The following HTRA4 variants were observed in gnomAD, a reference collection of about 807,000 sequenced individuals.
HTRA4 encodes HtrA serine peptidase 4.
In HTRA4, 46 loss-of-function variants were observed where a neutral mutation model predicts 49.1. That is an observed-to-expected ratio of 0.94 (90% confidence interval 0.74 to 1.20). The LOEUF (loss-of-function observed/expected upper bound fraction) is 1.20. HTRA4 is among the 50% of genes most tolerant of loss of function. The pLI, the probability that HTRA4 is intolerant of heterozygous loss-of-function variation, is 0.00. For missense variants in HTRA4, 602 were observed against 636.9 expected (o/e 0.95, Z 0.59); for synonymous variants, 261 against 264.0 (o/e 0.99, Z 0.11).
intron 5 of HTRA4, among the ~76,000 whole-genome samples, 155 bp downstream of exon 5, chr8:38,979,402 G>GCAAGACAC (rs1199749827): frequency 8.5e-5 from 13 of 152,094 alleles, no homozygotes; most frequent in Non-Finnish European, 1.3e-4. Flanking sequence ...GGGCAAGACA[G>GCAAGACAC]CAAGACACCA....
In HTRA4 at chr8:38,987,875, T is replaced by C. The variant is rs181400374; in HGVS notation, c.1269-61T>C. 4,797 of 1,398,432 alleles carry C rather than the reference T, an allele frequency of 3.4e-3. 11 individuals are homozygous for C. The highest frequency in any genetic ancestry group is 3.9e-3 in the Non-Finnish European group (4,084 of 1,048,134). The allele number at this position is 1,398,432 out of a possible 1,614,324, so 86.6% of individuals were successfully genotyped here. ...TAAGACAGAAATATTAAATTATAGA[T>C]GGGGATAAGTAAAATTCTTGTTATA... is the stretch of plus-strand genomic sequence containing the variant. On this transcript the variant is annotated intron_variant, in intron 8 of 8. Transcript: ENST00000302495.
Position 38,977,858 on chromosome 8 carries a change from G to A in HTRA4, c.772-95G>A, listed in dbSNP as rs532642315. ...TAAGGGCCAAGGTGATAGAGACAGC[G>A]TCATATATGTGTTAGACACACACTT... On this transcript the variant is annotated intron_variant, in intron 3 of 8. Coordinates refer to ENST00000302495, the MANE Select transcript of HTRA4 (RefSeq NM_153692.4). 3.0e-5 allele frequency: 39 copies of A among 1,286,452 alleles called. 1 individual carries two copies. Among genetic ancestry groups the A allele is most frequent in the South Asian group, 2.7e-4 (21 of 77,448 alleles). 79.7% of individuals were successfully genotyped at this position (1,286,452 alleles called of 1,614,324 possible).
rs560885121 is a variant in HTRA4 at position 38,981,843 on chromosome 8, A to G, written c.1114+76A>G. ...GGAACACTCAATCTTTTGTGGTGAC[A>G]GCAATTTTTTTGTTTTTGTTTTTGA... On this transcript the variant is annotated intron_variant, in intron 6 of 8. Transcript: ENST00000302495. 2.1e-5 allele frequency: 23 copies of G among 1,073,766 alleles called. No individual in the cohort carries two copies. In the East Asian group the frequency reaches 5.2e-4, roughly 24 times the overall value. 66.5% of individuals were successfully genotyped at this position (1,073,766 alleles called of 1,614,324 possible).
intron 5 of HTRA4, among the ~76,000 whole-genome samples, chr8:38,979,837 C>T (rs12548354): frequency 0.12 from 18,433 of 152,132 alleles, 1,345 homozygotes; most frequent in Non-Finnish European, 0.16. Flanking sequence ...GATATTAAAC[C>T]CAGGTTTATG....
chr8:38,984,663 C>T (rs1429069606), intron 8 of HTRA4, among the ~76,000 whole-genome samples: 13 of 152,042 alleles, frequency 8.6e-5, no homozygotes, highest in African/African-American at 2.9e-4. Flanking sequence ...GTCAGAGAAT[C>T]GCTTGAACCT....
intron 4 of HTRA4, 146 bp downstream of exon 4, chr8:38,978,293 T>A: frequency 1.5e-6 from 1 of 662,900 alleles, no homozygotes; most frequent in Non-Finnish European, 2.5e-6. Flanking sequence ...GTCAGATCAG[T>A]GGCGGCATTA....
rs1268136819 is a variant in HTRA4, at chr8:38,983,251, C to T, written c.1268+203C>T. Among the ~76,000 whole-genome samples the T allele has an allele frequency of 1.3e-5, 2 of 152,130 alleles. 1 individual carries two copies. The highest frequency in any genetic ancestry group is 4.1e-4 in the South Asian group (2 of 4,824). ...AGTAAGTTTAATTTAAATTAAAAAA[C>T]CCAGGCCAGGTGCAGTGGCTCATGC... On this transcript the variant is annotated intron_variant, in intron 8 of 8. Transcript: ENST00000302495.
rs527994278 is a variant in HTRA4 at position 38,976,634 on chromosome 8, C to T, written c.666C>T (p.Asn222=). The T allele has an allele frequency of 3.1e-6, 5 of 1,614,126 alleles. No homozygotes were observed. The East Asian group carries it at 8.9e-5, about 29-fold the overall frequency. ...TTACCAATGCCCATGTTGTCAGGAA[C>T]CAGCAGTGGATTGAGGTGGTGCTCC... ...LIITNAHVVR[N]QQWIEVVLQN... The change falls in exon 3 of 9, where the codon AAC becomes AAT. Residue 222 remains asparagine (N), a synonymous_variant. Transcript: ENST00000302495.
At chr8:38,976,852 C>T in intron 3 of HTRA4, 113 bp downstream of exon 3, 2 of 1,015,886 alleles carry the variant, frequency 2.0e-6, no homozygotes, top group Non-Finnish European at 2.9e-6. Context: ...TGAATATATG[C>T]TTTTCTCTGG....
At chr8:38,979,706 G>A (rs992895634) in intron 5 of HTRA4, among the ~76,000 whole-genome samples, 2 of 152,016 alleles carry the variant, frequency 1.3e-5, no homozygotes, top group African/African-American at 4.8e-5. Flanking sequence ...TAATAGAGAC[G>A]ATGTCTCACT....
Position 38,987,961 on chromosome 8 carries a change from A to G in HTRA4, c.1294A>G (p.Ile432Val), listed in dbSNP as rs199569946. 6.2e-7 allele frequency: 1 copy of G among 1,601,124 alleles called. No homozygotes were observed. Among genetic ancestry groups the G allele is most frequent in the East Asian group, 2.2e-5 (1 of 44,526 alleles). Residue 432 changes from isoleucine (I) to valine (V), a missense_variant, in exon 9 of 9, where the codon ATT becomes GTT. Coordinates refer to ENST00000302495, the MANE Select transcript of HTRA4 (RefSeq NM_153692.4). ...CTCTGGATTGAGAGATCACGATGTA[A>G]TTGTCAACATAAATGGGAAACCTAT... Reference protein sequence around the residue: ...QSSGLRDHDVIVNINGKPITT... With the variant: ...QSSGLRDHDVVVNINGKPITT...
Position 38,988,146 on chromosome 8 carries a change from T to G in HTRA4, c.*48T>G. The stretch of plus-strand genomic sequence containing the variant: ...TATCTAAAAAAAAAAAAACCAGTTA[T>G]ATCACGTGGTTTGTATTGGAGATGT... On this transcript the variant is annotated 3_prime_UTR_variant, in exon 9 of 9. Coordinates refer to ENST00000302495, the MANE Select transcript of HTRA4 (RefSeq NM_153692.4). 6.9e-7 allele frequency: 1 copy of G among 1,440,722 alleles called. No homozygotes were observed. Among genetic ancestry groups the G allele is most frequent in the South Asian group, 1.4e-5 (1 of 73,136 alleles). The allele number at this position is 1,440,722 out of a possible 1,614,324, so 89.2% of individuals were successfully genotyped here.
At chr8:38,982,313 G>A (rs1835433615) in intron 6 of HTRA4, among the ~76,000 whole-genome samples, 185 bp from the exon 7 acceptor site, 1 of 152,316 alleles carries the variant, frequency 6.6e-6, no homozygotes, top group East Asian at 1.9e-4. Context: ...CCCAGGGGCT[G>A]GAGGTGGGAG....
rs1355148413 is a variant in HTRA4 at position 38,975,027 on chromosome 8, A to T, written c.467-4A>T. On this transcript the variant is annotated splice_region_variant and splice_polypyrimidine_tract_variant and intron_variant, in intron 1 of 8. Transcript: ENST00000302495. ...CGTACTCTTGAGCCAGTATTTTTTC[A>T]TAGGGACCAGAAGCGCAGGCCCGCT... is the stretch of plus-strand genomic sequence containing the variant. 3 of 1,613,814 alleles carry T rather than the reference A, an allele frequency of 1.9e-6. No individual in the cohort carries two copies. The highest frequency in any genetic ancestry group is 2.2e-5 in the East Asian group (1 of 44,892).
rs1189826150 is a variant in HTRA4 at position 38,975,063 on chromosome 8, T to C, written c.499T>C (p.Tyr167His). The C allele has an allele frequency of 1.2e-6, 2 of 1,613,922 alleles. No individual in the cohort carries two copies. The highest frequency in any genetic ancestry group is 2.7e-5 in the African/African-American group (2 of 74,890). ...AAGCGCAGGCCCGCTCAGGAGGAAT[T>C]ACAACTTCATCGCCGCGGTGGTGGA... The part of the protein sequence containing the change: ...TRSAGPLRRN[Y>H]NFIAAVVEKV... Residue 167 changes from tyrosine to histidine, a missense_variant, in exon 2 of 9, where the codon TAC becomes CAC. Coordinates refer to ENST00000302495, the MANE Select transcript of HTRA4 (RefSeq NM_153692.4).
intron 8 of HTRA4, among the ~76,000 whole-genome samples, chr8:38,986,144 G>C (rs1835480655): frequency 6.6e-6 from 1 of 152,164 alleles, no homozygotes; most frequent in Non-Finnish European, 1.5e-5. Flanking sequence ...CTGGGTAAGA[G>C]AGTGAGAACC....
At chr8:38,982,286 C>T (rs576142105) in intron 6 of HTRA4, among the ~76,000 whole-genome samples, 1 of 152,130 alleles carries the variant, frequency 6.6e-6, no homozygotes, top group East Asian at 1.9e-4. Context: ...TTGGATTGAG[C>T]TAATGTGGAA....
intron 8 of HTRA4, among the ~76,000 whole-genome samples, chr8:38,986,038 G>A (rs1405512612): frequency 1.3e-5 from 2 of 152,158 alleles, no homozygotes; most frequent in Non-Finnish European, 2.9e-5. Context: ...GCTGGGTGTG[G>A]TGGCAGGTGC....
intron 8 of HTRA4, among the ~76,000 whole-genome samples, chr8:38,984,574 C>T (rs951005153): frequency 2.6e-5 from 4 of 151,766 alleles, no homozygotes; most frequent in Admixed American, 2.6e-4. Flanking sequence ...TGGTGAAACA[C>T]CATCCCTACT....
Sources: gnomAD v4.1 joint callset for allele counts (sites outside exome capture counted in the v4.1 genomes callset) on GRCh38, gnomAD v4.1.1 for gene constraint, MANE v1.5 for transcripts, NCBI Gene and HGNC (gene_info 2026-07-23, HGNC 2026-07-21) for gene names.